The following BBS9 variants were observed in gnomAD, a reference collection of about 807,000 sequenced individuals.
BBS9 encodes the protein protein PTHB1.
BBS9 carries 89 observed loss-of-function variants against 117.7 expected under a neutral mutation model. That is an observed-to-expected ratio of 0.76 (90% CI 0.64 to 0.90). BBS9 has a LOEUF of 0.90. Ranked by LOEUF, BBS9 falls within the 40% of genes least tolerant of loss-of-function variation. The pLI is 0.00. For missense variants in BBS9, 982 were observed against 1,042.2 expected (o/e 0.94, Z 0.80); for synonymous variants, 379 against 370.9 (o/e 1.02, Z -0.25).
intron 7 of BBS9, among the ~76,000 whole-genome samples, chr7:33,265,766 C>G (rs530247434): frequency 6.6e-6 from 1 of 152,084 alleles, no homozygotes; most frequent in Non-Finnish European, 1.5e-5. Flanking sequence ...TCGCTTGAAC[C>G]TGGGGGGCAG....
At chr7:33,167,286 C>T (rs1795846403) in intron 4 of BBS9, among the ~76,000 whole-genome samples, 1 of 151,504 alleles carries the variant, frequency 6.6e-6, no homozygotes, top group African/African-American at 2.4e-5. Context: ...AATTTCAGTA[C>T]TGTCTGGTTT....
chr7:33,350,240 C>T (rs1448849850), intron 13 of BBS9, among the ~76,000 whole-genome samples: 1 of 151,752 alleles, frequency 6.6e-6, no homozygotes, highest in Non-Finnish European at 1.5e-5. Flanking sequence ...CTTTTTTTGC[C>T]TCCACATAAC....
At chr7:33,502,770 CAA>C (rs1395574004) in intron 19 of BBS9, among the ~76,000 whole-genome samples, 1 of 152,132 alleles carries the variant, frequency 6.6e-6, no homozygotes. Context: ...AGGTCTCAAA[CAA>C]AATTTAGAGT....
At chr7:33,612,335 G>T (rs1281356134) in intron 21 of BBS9, among the ~76,000 whole-genome samples, 3 of 152,046 alleles carry the variant, frequency 2.0e-5, no homozygotes, top group African/African-American at 7.2e-5. Context: ...ATCACATGAG[G>T]ATGGATAGAG....
intron 1 of BBS9, among the ~76,000 whole-genome samples, chr7:33,131,142 G>C (rs1180306255): frequency 6.6e-6 from 1 of 152,154 alleles, no homozygotes; most frequent in Non-Finnish European, 1.5e-5. Context: ...CAGAGGGTGA[G>C]TTTGGCATTC....
At chr7:33,371,631 G>T (rs1277471857) in intron 17 of BBS9, among the ~76,000 whole-genome samples, 1 of 152,080 alleles carries the variant, frequency 6.6e-6, no homozygotes, top group East Asian at 1.9e-4. Context: ...ATAGGCCTTT[G>T]TAACTTCTCT....
intron 19 of BBS9, among the ~76,000 whole-genome samples, chr7:33,457,591 T>C (rs905057248): frequency 1.3e-5 from 2 of 152,176 alleles, no homozygotes; most frequent in African/African-American, 4.8e-5. Context: ...GAATAAGATA[T>C]AATTTACACT....
intron 2 of BBS9, among the ~76,000 whole-genome samples, chr7:33,149,339 A>G (rs1401389871): frequency 6.6e-6 from 1 of 152,226 alleles, no homozygotes; most frequent in Non-Finnish European, 1.5e-5. Flanking sequence ...GGGAGGTTGA[A>G]ACAGTAATGT....
intron 21 of BBS9, among the ~76,000 whole-genome samples, chr7:33,585,125 A>G (rs1002126002): frequency 5.9e-5 from 9 of 152,094 alleles, no homozygotes; most frequent in Admixed American, 1.3e-4. Context: ...CTGGATTCCT[A>G]TAGAAGTATC....
In BBS9 at chr7:33,604,864, G is replaced by A. The variant is rs755926001; in HGVS notation, c.2522-1G>A. 13 of 1,600,108 alleles carry A rather than the reference G, an allele frequency of 8.1e-6. No homozygotes were observed. Among genetic ancestry groups the A allele is most frequent in the Non-Finnish European group, 1.1e-5 (13 of 1,167,862 alleles). ...AAATATTGTTTGTATTTTTCAACTA[G>A]GTGGTTGTACTACAATCCCAGAGTC... On this transcript the variant is annotated splice_acceptor_variant, in intron 21 of 22. Transcript: ENST00000242067. LOFTEE classifies it high-confidence loss of function.
At chr7:33,593,587 C>T (rs1043244743) in intron 21 of BBS9, among the ~76,000 whole-genome samples, 1 of 152,118 alleles carries the variant, frequency 6.6e-6, no homozygotes, top group African/African-American at 2.4e-5. Context: ...AGTAATTTTA[C>T]AGTACCTTCT....
At position 33,149,357 on chromosome 7, in the gene BBS9, C is replaced by G. The variant is rs577169053; in HGVS notation, c.112+2993C>G. On this transcript the variant is annotated intron_variant, in intron 2 of 22. Coordinates refer to ENST00000242067, the MANE Select transcript of BBS9 (RefSeq NM_198428.3). ...AGGTTGAAACAGTAATGTCAGTTGA[C>G]CTCTACTTTTTTTTAGGTGATCAGA... Among the ~76,000 whole-genome samples the G allele has an allele frequency of 2.6e-5, 4 of 152,294 alleles. 1 individual carries two copies. The South Asian group carries it at 8.3e-4, about 32-fold the overall frequency.
At position 33,596,391 on chromosome 7, in the gene BBS9, C is replaced by CTATCTATCTATCTATA. The variant is rs968148294; in HGVS notation, c.2522-8471_2522-8470insCTATCTATCTATATAT. Among the ~76,000 whole-genome samples, 459 of 150,508 alleles carry CTATCTATCTATCTATA rather than the reference C, an allele frequency of 3.0e-3. 3 individuals are homozygous for CTATCTATCTATCTATA. The highest frequency in any genetic ancestry group is 0.011 in the South Asian group (50 of 4,722). ...TCTATCTATCTATCTATCTATCTAT[C>CTATCTATCTATCTATA]TATATATAATTAGTCAAAAAAATTC... is the stretch of plus-strand genomic sequence containing the variant. On this transcript the variant is annotated intron_variant, in intron 21 of 22. Coordinates refer to ENST00000242067, the MANE Select transcript of BBS9 (RefSeq NM_198428.3).
At chr7:33,272,927 G>A (rs1800069612) in intron 7 of BBS9, 85 bp from the exon 8 acceptor site, 4 of 1,336,762 alleles carry the variant, frequency 3.0e-6, no homozygotes, top group Admixed American at 1.7e-5. Flanking sequence ...TTGTTGTAAA[G>A]CAATTTCTTA....
At chr7:33,252,844 G>A (rs1796429756) in intron 5 of BBS9, among the ~76,000 whole-genome samples, 1 of 151,896 alleles carries the variant, frequency 6.6e-6, no homozygotes, top group South Asian at 2.1e-4. Context: ...CATACAAAAT[G>A]TATATATTTA....
At chr7:33,534,382 G>A in intron 21 of BBS9, 1 of 614,810 alleles carries the variant, frequency 1.6e-6, no homozygotes, top group Non-Finnish European at 2.9e-6. Context: ...TTCCAGAATG[G>A]TATGTCTTTT....
intron 21 of BBS9, among the ~76,000 whole-genome samples, chr7:33,574,919 A>G (rs1369075746): frequency 6.6e-6 from 1 of 152,224 alleles, no homozygotes; most frequent in East Asian, 1.9e-4. Flanking sequence ...CATACTTTAA[A>G]TACCTCAAGA....
chr7:33,151,933 C>T (rs1442210709), intron 2 of BBS9, among the ~76,000 whole-genome samples: 1 of 146,928 alleles, frequency 6.8e-6, no homozygotes, highest in Non-Finnish European at 1.5e-5. Context: ...TTAGAGCTCA[C>T]TGCAGCCTTG....
chr7:33,225,691 G>A (rs1342623144), intron 5 of BBS9, among the ~76,000 whole-genome samples: 1 of 137,886 alleles, frequency 7.3e-6, no homozygotes, highest in Non-Finnish European at 1.5e-5. Flanking sequence ...TCTTTAAGGA[G>A]CTTGGTTCTT....
Sources: gnomAD v4.1 joint callset for allele counts (sites outside exome capture counted in the v4.1 genomes callset) on GRCh38, gnomAD v4.1.1 for gene constraint, MANE v1.5 for transcripts, NCBI Gene and HGNC (gene_info 2026-07-23, HGNC 2026-07-21) for gene names.